Variants in PTPN3 observed in about 807,000 individuals in gnomAD.
PTPN3 encodes tyrosine-protein phosphatase non-receptor type 3.
Under a neutral mutation model 132.7 loss-of-function variants are expected in PTPN3, and 96 were observed. The ratio of observed to expected loss-of-function variants is 0.72; its 90% CI spans 0.61 to 0.86. The LOEUF (loss-of-function observed/expected upper bound fraction) is 0.86. PTPN3 is among the 40% of genes least tolerant of loss of function. The pLI, the probability that PTPN3 is intolerant of heterozygous loss-of-function variation, is 0.00. For missense variants in PTPN3, 1,125 were observed against 1,159.6 expected (o/e 0.97, Z 0.43); for synonymous variants, 398 against 429.0 (o/e 0.93, Z 0.89).
At chr9:109,393,622 G>C (rs1211055711) in intron 19 of PTPN3, among the ~76,000 whole-genome samples, 4 of 151,736 alleles carry the variant, frequency 2.6e-5, no homozygotes, top group African/African-American at 9.7e-5. Flanking sequence ...CCTGACCTCA[G>C]GTGATCCACA....
Position 109,404,512 on chromosome 9 carries a change from A to G in PTPN3, c.1889T>C (p.Leu630Ser), listed in dbSNP as rs762374942. The G allele has an allele frequency of 5.7e-6, 9 of 1,565,340 alleles. No individual in the cohort carries two copies. The highest frequency in any genetic ancestry group is 7.0e-6 in the Non-Finnish European group (8 of 1,147,724). The stretch of plus-strand genomic sequence containing the variant: ...CTTTAGCTGTGCCATGGATCCCTCC[A>G]AAGTGTCCCCACCCTCCGGACACAT... Reference protein sequence around the residue: ...FPMCPEGGDTLEGSMAQLKKG... With the variant: ...FPMCPEGGDTSEGSMAQLKKG... The change falls in exon 19 of 26, where the codon TTG (leucine) becomes TCG (serine). Residue 630 changes from leucine (L) to serine (S), a missense_variant. Coordinates refer to ENST00000374541, the MANE Select transcript of PTPN3 (RefSeq NM_002829.4).
intron 13 of PTPN3, among the ~76,000 whole-genome samples, chr9:109,420,831 T>C (rs1337728867): frequency 6.6e-6 from 1 of 152,150 alleles, no homozygotes; most frequent in Non-Finnish European, 1.5e-5. Context: ...GCCTCAGCTG[T>C]ATAAACAGGC....
intron 1 of PTPN3, among the ~76,000 whole-genome samples, chr9:109,485,638 C>T (rs907353761): frequency 6.6e-6 from 1 of 152,226 alleles, no homozygotes; most frequent in African/African-American, 2.4e-5. Flanking sequence ...TCCCCTTCCC[C>T]GCCCAGTCTT....
Position 109,376,178 on chromosome 9 carries a change from C to T in PTPN3, c.*3378G>A, listed in dbSNP as rs1210596697. 1 of 152,148 alleles carries T rather than the reference C, an allele frequency of 6.6e-6. No individual in the cohort carries two copies. Among genetic ancestry groups the T allele is most frequent in the Non-Finnish European group, 1.5e-5 (1 of 68,038 alleles). 9.4% of individuals were successfully genotyped at this position (152,148 alleles called of 1,614,324 possible). A position where few individuals can be genotyped will look rare whatever the true frequency, so the allele number is the denominator to read the frequency against. On this transcript the variant is annotated 3_prime_UTR_variant, in exon 26 of 26. Transcript: ENST00000374541. ...TGGCAAATCTTGACCTCATCTAGTC[C>T]AGCCCAACCTTCCCTTTTTACATAT...
chr9:109,446,259 A>T (rs1844849583), intron 6 of PTPN3, among the ~76,000 whole-genome samples: 1 of 152,196 alleles, frequency 6.6e-6, no homozygotes, highest in Non-Finnish European at 1.5e-5. Context: ...CCCAGTGGGA[A>T]GTGGGGAACA....
At chr9:109,405,834 C>T (rs1841516905) in intron 18 of PTPN3, among the ~76,000 whole-genome samples, 1 of 152,236 alleles carries the variant, frequency 6.6e-6, no homozygotes, top group Non-Finnish European at 1.5e-5. Flanking sequence ...GATACACCCA[C>T]CTTGGCCTTC....
At chr9:109,454,608 C>T (rs758865255) in intron 4 of PTPN3, 34 bp from the exon 5 acceptor site, 2 of 1,558,398 alleles carry the variant, frequency 1.3e-6, no homozygotes, top group Non-Finnish European at 1.8e-6. Flanking sequence ...TTAAATTTTC[C>T]CTTTGACAAA....
chr9:109,429,485 G>A (rs1843514532), intron 10 of PTPN3, among the ~76,000 whole-genome samples: 1 of 152,224 alleles, frequency 6.6e-6, no homozygotes, highest in South Asian at 2.1e-4. Context: ...CAGTAGGCCT[G>A]CAATGCTTGT....
At chr9:109,454,672 C>A in intron 4 of PTPN3, 98 bp from the exon 5 acceptor site, 2 of 895,542 alleles carry the variant, frequency 2.2e-6, no homozygotes, top group Admixed American at 4.2e-5. Flanking sequence ...TTTCACTCAA[C>A]CATAGCTTTT....
intron 19 of PTPN3, among the ~76,000 whole-genome samples, chr9:109,401,530 T>G (rs899956402): frequency 6.6e-6 from 1 of 152,232 alleles, no homozygotes; most frequent in Non-Finnish European, 1.5e-5. Context: ...ACCTGTGGGA[T>G]TCCCATATGT....
Position 109,391,143 on chromosome 9 carries a change from C to A in PTPN3, c.2101G>T (p.Val701Leu). The A allele has an allele frequency of 6.2e-7, 1 of 1,612,942 alleles. No homozygotes were observed. The highest frequency in any genetic ancestry group is 8.5e-7 in the Non-Finnish European group (1 of 1,179,158). The change falls in exon 21 of 26, where the codon GTG (valine) becomes TTG (leucine). Residue 701 changes from valine (V) to leucine (L), a missense_variant. Val to Leu is a conservative substitution (Grantham distance 32). Coordinates refer to ENST00000374541, the MANE Select transcript of PTPN3 (RefSeq NM_002829.4). ...GNEDYINASY[V>L]NMEIPAANLV... is the part of the protein sequence containing the mutation. ...CATCCAGATTCCTAACTTACGTTCA[C>A]GTAACTTGCATTAATATAATCTTCA...
At chr9:109,529,054 G>T in the PTPN3 span, among the ~76,000 whole-genome samples, 1 of 152,126 alleles carries the variant, frequency 6.6e-6, no homozygotes, top group Admixed American at 6.6e-5. Flanking sequence ...GGAAGGACAG[G>T]CTGTATGTTG....
At chr9:109,478,294 CT>C (rs922257450) in intron 1 of PTPN3, among the ~76,000 whole-genome samples, 11 of 152,148 alleles carry the variant, frequency 7.2e-5, no homozygotes, top group Admixed American at 2.0e-4. Context: ...CTTGTAATGT[CT>C]ATGCAATCAT....
the PTPN3 span, among the ~76,000 whole-genome samples, chr9:109,517,065 T>C: frequency 1.3e-3 from 202 of 152,238 alleles, no homozygotes; most frequent in African/African-American, 4.6e-3. Flanking sequence ...AGTGTGTAGA[T>C]AGTGGTTGAA....
At chr9:109,401,881 C>A (rs1307009403) in intron 19 of PTPN3, among the ~76,000 whole-genome samples, 1 of 152,164 alleles carries the variant, frequency 6.6e-6, no homozygotes, top group Non-Finnish European at 1.5e-5. Flanking sequence ...CTCCAGGGAT[C>A]TCCTGGAGTC....
chr9:109,491,297 C>A lies in PTPN3; in HGVS notation c.-18+6922G>T, dbSNP rs569204129. ...GATTCTAAAATTTGTATTGTAGTTA[C>A]GGAATATCATCGCTTTTAGGAAATA... is the stretch of plus-strand genomic sequence containing the variant. On this transcript the variant is annotated intron_variant, in intron 1 of 25. Coordinates refer to ENST00000374541, the MANE Select transcript of PTPN3 (RefSeq NM_002829.4). Among the ~76,000 whole-genome samples the A allele has an allele frequency of 6.6e-5, 10 of 151,500 alleles. No homozygotes were observed. The East Asian group carries it at 7.7e-4, about 12-fold the overall frequency.
At chr9:109,491,179 G>A (rs1485536920) in intron 1 of PTPN3, among the ~76,000 whole-genome samples, 1 of 147,786 alleles carries the variant, frequency 6.8e-6, no homozygotes, top group Non-Finnish European at 1.5e-5. Flanking sequence ...CTGGGTGGCA[G>A]AGTGAGGGAC....
At chr9:109,534,501 G>A in the PTPN3 span, among the ~76,000 whole-genome samples, 1 of 152,082 alleles carries the variant, frequency 6.6e-6, no homozygotes, top group African/African-American at 2.4e-5. Flanking sequence ...GTGTGGCCGG[G>A]CGTGGTGGCT....
At chr9:109,467,991 G>T (rs1846183389) in intron 1 of PTPN3, among the ~76,000 whole-genome samples, 1 of 152,164 alleles carries the variant, frequency 6.6e-6, no homozygotes, top group Non-Finnish European at 1.5e-5. Context: ...GCAAACCTTG[G>T]TAAGAATGAG....
Sources: allele counts gnomAD v4.1 joint callset (sites outside exome capture counted in the v4.1 genomes callset), GRCh38; gene constraint gnomAD v4.1.1; transcripts MANE v1.5; gene names NCBI Gene and HGNC (gene_info 2026-07-23, HGNC 2026-07-21).